The following PLEKHA5 variants were observed in gnomAD, a reference collection of about 807,000 sequenced individuals.
The protein encoded by PLEKHA5 is pleckstrin homology domain-containing family A member 5.
PLEKHA5 carries 55 observed loss-of-function variants against 181.9 expected under a neutral mutation model. The ratio of observed to expected loss-of-function variants is 0.30; its 90% confidence interval spans 0.24 to 0.38. The LOEUF is 0.38. Among genes scored for constraint, PLEKHA5 ranks in the 10% least tolerant of loss-of-function variants. PLEKHA5 has a pLI of 1.00. For synonymous variants in PLEKHA5, 535 were observed against 529.4 expected (o/e 1.01, Z -0.15); for missense variants, 1,432 against 1,549.5 (o/e 0.92, Z 1.27).
intron 31 of PLEKHA5, among the ~76,000 whole-genome samples, chr12:19,370,357 G>A (rs143211988): frequency 1.1e-3 from 170 of 152,310 alleles, no homozygotes; most frequent in Non-Finnish European, 2.0e-3. Context: ...TCAGGGAGAA[G>A]AAGGAATCCT....
In PLEKHA5 at chr12:19,156,834, C is replaced by G. The variant is rs111393314; in HGVS notation, c.227+24384C>G. Among the ~76,000 whole-genome samples, 777 of 148,922 alleles carry G rather than the reference C, an allele frequency of 5.2e-3. 11 individuals carry two copies. Among genetic ancestry groups the G allele is most frequent in the African/African-American group, 0.019 (749 of 40,314 alleles). ...CCAGGGCAGGTGGGTCACTTGAGATCAGGAGTTAGAGACCAGCCTGGCCAA... is the reference window on the plus strand; with the variant it reads ...CCAGGGCAGGTGGGTCACTTGAGATGAGGAGTTAGAGACCAGCCTGGCCAA... On this transcript the variant is annotated intron_variant, in intron 3 of 31. Transcript: ENST00000429027.
intron 29 of PLEKHA5, among the ~76,000 whole-genome samples, chr12:19,365,225 G>A (rs947145568): frequency 3.9e-5 from 6 of 152,032 alleles, no homozygotes; most frequent in Admixed American, 2.0e-4. Flanking sequence ...CAAAAAGCCG[G>A]ACGTGGTGGC....
At chr12:19,296,520 C>A (rs1365249280) in intron 15 of PLEKHA5, among the ~76,000 whole-genome samples, 1 of 150,614 alleles carries the variant, frequency 6.6e-6, no homozygotes, top group Admixed American at 6.6e-5. Flanking sequence ...GCACTCCAGC[C>A]TGGGTAACAG....
chr12:19,275,833 ATAT>A (rs1446587243), intron 11 of PLEKHA5, among the ~76,000 whole-genome samples: 1 of 152,204 alleles, frequency 6.6e-6, no homozygotes, highest in African/African-American at 2.4e-5. Context: ...TTTTCTTAAT[ATAT>A]TTATTTTGCA....
At chr12:19,356,032 G>C (rs1353434139) in intron 26 of PLEKHA5, among the ~76,000 whole-genome samples, 2 of 151,908 alleles carry the variant, frequency 1.3e-5, no homozygotes, top group African/African-American at 4.8e-5. Flanking sequence ...GGGAATGGTG[G>C]CAGGCACCTG....
intron 16 of PLEKHA5, among the ~76,000 whole-genome samples, chr12:19,319,038 A>G (rs946679157): frequency 7.2e-5 from 11 of 152,206 alleles, no homozygotes; most frequent in Non-Finnish European, 1.3e-4. Context: ...TTTTTTTATC[A>G]TAGATCTACC....
At chr12:19,252,546 CTAATCT>C (rs2065628111) in intron 3 of PLEKHA5, among the ~76,000 whole-genome samples, 1 of 151,970 alleles carries the variant, frequency 6.6e-6, no homozygotes, top group Non-Finnish European at 1.5e-5. Context: ...AGTTGAAGAC[CTAATCT>C]TATCATTCAA....
intron 3 of PLEKHA5, chr12:19,200,978 A>C (rs1193308395): frequency 6.6e-6 from 1 of 152,164 alleles, no homozygotes; most frequent in Non-Finnish European, 1.5e-5. Context: ...AAGATTTACA[A>C]AAGAAAAAAT....
intron 20 of PLEKHA5, among the ~76,000 whole-genome samples, chr12:19,328,476 G>A (rs1055981633): frequency 2.0e-5 from 3 of 151,946 alleles, no homozygotes; most frequent in African/African-American, 7.3e-5. Flanking sequence ...ATTGGTTTGT[G>A]TCATCTATGA....
At chr12:19,259,206 C>A (rs746846555) in intron 6 of PLEKHA5, among the ~76,000 whole-genome samples, 1 of 150,984 alleles carries the variant, frequency 6.6e-6, no homozygotes, top group Non-Finnish European at 1.5e-5. Flanking sequence ...TAAAAAAAAA[C>A]AAAAAACAAA....
At chr12:19,342,786 T>C (rs1445669604) in intron 21 of PLEKHA5, among the ~76,000 whole-genome samples, 1 of 151,916 alleles carries the variant, frequency 6.6e-6, no homozygotes, top group Non-Finnish European at 1.5e-5. Context: ...CAAAAAAAAA[T>C]AAAAATAAAA....
At chr12:19,229,836 C>T (rs1725898355) in intron 3 of PLEKHA5, among the ~76,000 whole-genome samples, 1 of 152,146 alleles carries the variant, frequency 6.6e-6, no homozygotes, top group Non-Finnish European at 1.5e-5. Flanking sequence ...TGACAGGGTG[C>T]TGATTGGTGC....
At chr12:19,270,593 C>T (rs1292812964) in intron 10 of PLEKHA5, among the ~76,000 whole-genome samples, 6 of 151,982 alleles carry the variant, frequency 3.9e-5, no homozygotes, top group Admixed American at 2.0e-4. Flanking sequence ...CTTGAAGATA[C>T]GAATCATTTT....
chr12:19,340,455 T>G lies in PLEKHA5; in HGVS notation c.2551-2868T>G, dbSNP rs569003086. ...CCACCACCCCGTCTGGGAGGTGTAC[T>G]CAACAGCTCATTGAGAACGGGCCAT... On this transcript the variant is annotated intron_variant, in intron 21 of 31. Coordinates refer to ENST00000429027, the MANE Select transcript of PLEKHA5 (RefSeq NM_001256470.2). 8.8e-3 allele frequency among the ~76,000 whole-genome samples: 682 copies of G among 77,126 alleles called. 6 individuals are homozygous for G. Among genetic ancestry groups the G allele is most frequent in the Non-Finnish European group, 0.013 (459 of 34,018 alleles). The allele number at this position is 77,126 out of a possible 152,430, so 50.6% of individuals were successfully genotyped here.
At chr12:19,156,082 T>G (rs1315547470) in intron 3 of PLEKHA5, among the ~76,000 whole-genome samples, 1 of 152,238 alleles carries the variant, frequency 6.6e-6, no homozygotes, top group Non-Finnish European at 1.5e-5. Flanking sequence ...TAATCTTGCT[T>G]TTTGAGCTTT....
At chr12:19,189,039 A>G (rs1259273875) in intron 3 of PLEKHA5, among the ~76,000 whole-genome samples, 1 of 152,186 alleles carries the variant, frequency 6.6e-6, no homozygotes, top group East Asian at 1.9e-4. Context: ...ACAGGTCAAT[A>G]AAGTGTGTTT....
intron 3 of PLEKHA5, among the ~76,000 whole-genome samples, chr12:19,197,337 A>G (rs2053056863): frequency 1.3e-5 from 2 of 152,040 alleles, no homozygotes; most frequent in South Asian, 2.1e-4. Context: ...ACCAATACTT[A>G]TTTTGGAAAA....
At chr12:19,187,376 C>T (rs934343079) in intron 3 of PLEKHA5, among the ~76,000 whole-genome samples, 9 of 152,110 alleles carry the variant, frequency 5.9e-5, no homozygotes, top group Non-Finnish European at 1.3e-4. Flanking sequence ...AGTGACTTAG[C>T]TGGGTGGTTC....
chr12:19,229,179 C>A (rs2060092429), intron 3 of PLEKHA5, among the ~76,000 whole-genome samples: 3 of 152,068 alleles, frequency 2.0e-5, no homozygotes. Flanking sequence ...AATAGCCATA[C>A]CCCAGTAAAA....
Sources: allele counts gnomAD v4.1 joint callset (sites outside exome capture counted in the v4.1 genomes callset), GRCh38; gene constraint gnomAD v4.1.1; transcripts MANE v1.5; gene names NCBI Gene and HGNC (gene_info 2026-07-23, HGNC 2026-07-21).